The following DOCK2 variants were observed in gnomAD, a reference collection of about 807,000 sequenced individuals.
DOCK2 encodes dedicator of cytokinesis protein 2.
DOCK2 carries 87 observed loss-of-function variants against 248.9 expected under a neutral mutation model. The ratio of observed to expected loss-of-function variants is 0.35; its 90% CI spans 0.29 to 0.42. DOCK2 has a LOEUF of 0.42. DOCK2 is among the 10% of genes least tolerant of loss of function. DOCK2 has a pLI of 1.00. For synonymous variants in DOCK2, 805 were observed against 821.6 expected, an observed-to-expected ratio of 0.98 and a Z score of 0.35; for missense variants, 1,747 against 2,300.2, an observed-to-expected ratio of 0.76 and a Z score of 4.92.
At chr5:169,674,492 C>T in intron 6 of DOCK2, 47 bp downstream of exon 6, 1 of 1,605,032 alleles carries the variant, frequency 6.2e-7, no homozygotes, top group East Asian at 2.2e-5. Flanking sequence ...CCCAGCCATC[C>T]TCTTTCTTCC....
intron 27 of DOCK2, among the ~76,000 whole-genome samples, chr5:169,948,130 T>A (rs1265492862): frequency 6.6e-6 from 1 of 151,998 alleles, no homozygotes; most frequent in Admixed American, 6.5e-5. Context: ...AAGCTTAAAT[T>A]CTAGGTGTGA....
intron 27 of DOCK2, among the ~76,000 whole-genome samples, chr5:169,907,457 T>C (rs1357125714): frequency 3.3e-5 from 5 of 152,228 alleles, no homozygotes; most frequent in Admixed American, 3.3e-4. Context: ...AGCTAAAATC[T>C]GTGGCTTGTT....
intron 22 of DOCK2, among the ~76,000 whole-genome samples, chr5:169,743,707 A>C (rs1005446510): frequency 6.6e-6 from 1 of 151,658 alleles, no homozygotes; most frequent in Non-Finnish European, 1.5e-5. Context: ...TATGAAATAG[A>C]TTTTTCTTTC....
intron 27 of DOCK2, among the ~76,000 whole-genome samples, chr5:169,861,844 G>C (rs1304803495): frequency 6.6e-6 from 1 of 152,152 alleles, no homozygotes; most frequent in African/African-American, 2.4e-5. Context: ...AAGCAATGCG[G>C]TGTTGTGCTT....
At chr5:169,759,529 T>C (rs1764363370) in intron 23 of DOCK2, among the ~76,000 whole-genome samples, 176 bp from the exon 24 acceptor site, 1 of 152,264 alleles carries the variant, frequency 6.6e-6, no homozygotes, top group African/African-American at 2.4e-5. Context: ...CACTTTTGTA[T>C]ACAAAGAAGT....
chr5:169,915,557 AACACACACACACACACACAC>A (rs56728646), intron 27 of DOCK2, among the ~76,000 whole-genome samples: 170 of 143,488 alleles, frequency 1.2e-3, no homozygotes, highest in African/African-American at 4.1e-3. Flanking sequence ...ATTGACAGGG[AACACACACACACACACACAC>A]ACACACACAC....
At chr5:169,680,358 C>G (rs975294924) in intron 6 of DOCK2, among the ~76,000 whole-genome samples, 3 of 152,202 alleles carry the variant, frequency 2.0e-5, no homozygotes, top group African/African-American at 7.2e-5. Context: ...ATTAGTATCA[C>G]TGATGCCGAT....
chr5:169,964,773 A>C (rs77563740), intron 27 of DOCK2, among the ~76,000 whole-genome samples: 4,297 of 152,308 alleles, frequency 0.028, 63 homozygotes, highest in African/African-American at 0.044. Context: ...CCTCGGAGCA[A>C]AAGTGTCTTC....
At chr5:169,818,346 C>A (rs974369371) in intron 26 of DOCK2, among the ~76,000 whole-genome samples, 4 of 152,192 alleles carry the variant, frequency 2.6e-5, no homozygotes, top group Non-Finnish European at 4.4e-5. Context: ...CAGTGCCCAG[C>A]ACATTTATTG....
rs1286005423 is a variant in DOCK2 at position 169,931,824 on chromosome 5, C to T, written c.2800-51244C>T. 2.6e-5 allele frequency among the ~76,000 whole-genome samples: 4 copies of T among 152,338 alleles called. No homozygotes were observed. The East Asian group carries it at 7.7e-4, about 29-fold the overall frequency. ...GCTAGCCCCAGAAATAACAGGAATC[C>T]TTCCTCCAGGGATCATAGCCTTCTG... On this transcript the variant is annotated intron_variant, in intron 27 of 51. Transcript: ENST00000520908.
intron 22 of DOCK2, among the ~76,000 whole-genome samples, chr5:169,735,358 G>T (rs1188842767): frequency 6.6e-6 from 1 of 152,130 alleles, no homozygotes; most frequent in Admixed American, 6.5e-5. Context: ...GCTCCCTTCT[G>T]CTGTGGGGCC....
intron 2 of DOCK2, among the ~76,000 whole-genome samples, chr5:169,667,811 C>T (rs1758823531): frequency 6.6e-6 from 1 of 152,122 alleles, no homozygotes; most frequent in Non-Finnish European, 1.5e-5. Flanking sequence ...AAAGTATAAG[C>T]AGTATTGTTA....
chr5:169,741,803 A>ATTTTTT (rs33955559), intron 22 of DOCK2, among the ~76,000 whole-genome samples: 2 of 82,420 alleles, frequency 2.4e-5, no homozygotes, highest in Admixed American at 1.6e-4. Flanking sequence ...ATCTTTTACT[A>ATTTTTT]TTTTTTTTTT....
At chr5:169,660,940 T>C (rs993261220) in intron 2 of DOCK2, among the ~76,000 whole-genome samples, 6 of 151,876 alleles carry the variant, frequency 4.0e-5, no homozygotes, top group South Asian at 4.2e-4. Flanking sequence ...ATTTGCTTTG[T>C]TGTGATGGAA....
At position 169,709,722 on chromosome 5, in the gene DOCK2, GA is replaced by G. The variant is rs34212031; in HGVS notation, c.1482+1466del. ...GGTGACAGTGCGAGACTCCTTCTCA[GA>G]AAAAAAAAAATTCATACGTTAAATG... On this transcript the variant is annotated intron_variant, in intron 15 of 51. Coordinates refer to ENST00000520908, the MANE Select transcript of DOCK2 (RefSeq NM_004946.3). 4.3e-3 allele frequency among the ~76,000 whole-genome samples: 631 copies of G among 147,442 alleles called. 24 individuals are homozygous for G. In the East Asian group the frequency reaches 0.078, roughly 18 times the overall value.
chr5:169,717,139 A>G (rs1761953384), intron 20 of DOCK2, among the ~76,000 whole-genome samples: 1 of 152,240 alleles, frequency 6.6e-6, no homozygotes. Flanking sequence ...AAGTCTAATA[A>G]TGATAACCTG....
chr5:169,782,197 T>C (rs1197332976), intron 25 of DOCK2, among the ~76,000 whole-genome samples: 1 of 152,092 alleles, frequency 6.6e-6, no homozygotes, highest in Non-Finnish European at 1.5e-5. Flanking sequence ...GACTGGCTTA[T>C]GTTGTGGTTC....
At chr5:169,676,221 G>A (rs1675818481) in intron 6 of DOCK2, among the ~76,000 whole-genome samples, 1 of 152,116 alleles carries the variant, frequency 6.6e-6, no homozygotes, top group Non-Finnish European at 1.5e-5. Context: ...AGTAGTAATT[G>A]CCTCCTTTTT....
intron 27 of DOCK2, among the ~76,000 whole-genome samples, chr5:169,896,887 T>A (rs1483376814): frequency 1.3e-5 from 2 of 150,804 alleles, no homozygotes; most frequent in Non-Finnish European, 3.0e-5. Flanking sequence ...AGATGAGAGG[T>A]AAAAAATAAA....
Sources: gnomAD v4.1 joint callset for allele counts (sites outside exome capture counted in the v4.1 genomes callset) on GRCh38, gnomAD v4.1.1 for gene constraint, MANE v1.5 for transcripts, NCBI Gene and HGNC (gene_info 2026-07-23, HGNC 2026-07-21) for gene names.